Variants in ZNF536 observed in about 807,000 individuals in gnomAD.
ZNF536 encodes zinc finger protein 536.
In ZNF536, 13 loss-of-function variants were observed where a neutral mutation model predicts 84.5. The ratio of observed to expected loss-of-function variants is 0.15; its 90% CI spans 0.10 to 0.24. ZNF536 has a LOEUF of 0.24. ZNF536 is among the 10% of genes least tolerant of loss of function. The pLI, the probability that ZNF536 is intolerant of heterozygous loss-of-function variation, is 1.00. For missense variants in ZNF536, 1,536 were observed against 1,747.5 expected, an observed-to-expected ratio of 0.88 and a Z score of 2.16; for synonymous variants, 811 against 742.5, an observed-to-expected ratio of 1.09 and a Z score of -1.50.
chr19:30,293,714 A>G (rs1253782667), intron 2 of ZNF536, among the ~76,000 whole-genome samples: 1 of 152,210 alleles, frequency 6.6e-6, no homozygotes. Flanking sequence ...TTGCAGGATG[A>G]TAATGTGATC....
At chr19:30,446,474 T>G (rs1381134985) in intron 2 of ZNF536, among the ~76,000 whole-genome samples, 1 of 152,004 alleles carries the variant, frequency 6.6e-6, no homozygotes, top group Non-Finnish European at 1.5e-5. Flanking sequence ...AGTTCCAAAC[T>G]TCACCATCTT....
chr19:30,238,394 A>C (rs962109469), intron 1 of ZNF536, among the ~76,000 whole-genome samples: 7 of 151,034 alleles, frequency 4.6e-5, no homozygotes, highest in African/African-American at 1.7e-4. Context: ...AAATATTCTC[A>C]CTCCAATCCA....
intron 1 of ZNF536, among the ~76,000 whole-genome samples, chr19:30,706,651 T>C (rs1373718267): frequency 2.6e-5 from 4 of 152,212 alleles, no homozygotes; most frequent in Non-Finnish European, 5.9e-5. Context: ...ATTTGGATCA[T>C]GGTACCAAGG....
chr19:30,632,828 A>G (rs925568079), intron 1 of ZNF536, among the ~76,000 whole-genome samples: 4 of 152,226 alleles, frequency 2.6e-5, no homozygotes, highest in African/African-American at 9.6e-5. Flanking sequence ...GAGAAATTAG[A>G]AAGAAGTCAA....
intron 1 of ZNF536, among the ~76,000 whole-genome samples, chr19:30,655,523 T>A (rs1471992909): frequency 1.3e-5 from 2 of 152,110 alleles, no homozygotes; most frequent in African/African-American, 4.8e-5. Flanking sequence ...TCAAAGGAGT[T>A]TGCCGTCAAC....
At chr19:30,463,436 G>A (rs1458049815) in intron 2 of ZNF536, among the ~76,000 whole-genome samples, 3 of 152,162 alleles carry the variant, frequency 2.0e-5, no homozygotes, top group African/African-American at 7.2e-5. Context: ...GCACCTCCTG[G>A]AAGAAGCTGG....
At chr19:30,631,372 G>A (rs1183198697) in intron 1 of ZNF536, among the ~76,000 whole-genome samples, 3 of 152,180 alleles carry the variant, frequency 2.0e-5, no homozygotes, top group Admixed American at 6.5e-5. Flanking sequence ...TGGCTGAGCC[G>A]AGATCCTGCA....
chr19:30,631,286 G>A (rs2048879361), intron 1 of ZNF536, among the ~76,000 whole-genome samples: 1 of 152,224 alleles, frequency 6.6e-6, no homozygotes. Flanking sequence ...TTGTTACGCA[G>A]CCAGGCTGCC....
chr19:30,560,774 A>C (rs774911697), downstream of ZNF536, among the ~76,000 whole-genome samples: 6 of 152,254 alleles, frequency 3.9e-5, no homozygotes, highest in Non-Finnish European at 7.3e-5. Context: ...AAGAATCTAA[A>C]TGTTGGGAGA....
At chr19:30,701,109 T>G (rs941762645) in intron 1 of ZNF536, among the ~76,000 whole-genome samples, 1 of 152,118 alleles carries the variant, frequency 6.6e-6, no homozygotes, top group Non-Finnish European at 1.5e-5. Flanking sequence ...AAAATGATGT[T>G]CCTCGTGCTC....
At chr19:30,615,756 T>A (rs1418617500) in intron 1 of ZNF536, among the ~76,000 whole-genome samples, 2 of 152,184 alleles carry the variant, frequency 1.3e-5, no homozygotes, top group African/African-American at 4.8e-5. Flanking sequence ...GAGTCTTACG[T>A]CTAAGAGCAA....
At chr19:30,477,790 G>T (rs961688493) in intron 2 of ZNF536, among the ~76,000 whole-genome samples, 2 of 152,102 alleles carry the variant, frequency 1.3e-5, no homozygotes, top group African/African-American at 4.8e-5. Flanking sequence ...GAGATTTCTT[G>T]GTAGTTATCA....
intron 1 of ZNF536, among the ~76,000 whole-genome samples, chr19:30,586,356 G>A (rs6510171): frequency 5.9e-5 from 9 of 152,154 alleles, no homozygotes; most frequent in Non-Finnish European, 1.2e-4. Context: ...GAGAATGTGC[G>A]GCCACCATGT....
chr19:30,246,783 C>CT (rs1387179651), intron 1 of ZNF536, among the ~76,000 whole-genome samples: 1 of 152,136 alleles, frequency 6.6e-6, no homozygotes, highest in East Asian at 1.9e-4. Context: ...CCAAGGCTAG[C>CT]TTTTTTCTTT....
At chr19:30,493,089 C>CTT (rs201787656) in intron 2 of ZNF536, among the ~76,000 whole-genome samples, 3,632 of 71,550 alleles carry the variant, frequency 0.051, 811 homozygotes, top group East Asian at 0.11. Flanking sequence ...ATATTACTCA[C>CTT]TTTTTTTTTT....
intron 1 of ZNF536, among the ~76,000 whole-genome samples, chr19:30,277,942 A>G (rs1358627980): frequency 6.6e-6 from 1 of 152,208 alleles, no homozygotes; most frequent in African/African-American, 2.4e-5. Context: ...CCCTGACAGC[A>G]AGAACCTTGT....
chr19:30,306,509 G>C (rs898985890), intron 2 of ZNF536, among the ~76,000 whole-genome samples: 4 of 152,200 alleles, frequency 2.6e-5, no homozygotes, highest in African/African-American at 9.7e-5. Flanking sequence ...AATGAAAGCT[G>C]TCAAGTTTGA....
At chr19:30,575,872 T>C (rs2046713800) in intron 1 of ZNF536, among the ~76,000 whole-genome samples, 2 of 151,922 alleles carry the variant, frequency 1.3e-5, no homozygotes, top group South Asian at 4.1e-4. Flanking sequence ...TCAGAGAACT[T>C]TGGAGAGAGA....
chr19:30,357,627 G>T (rs927741465), intron 3 of ZNF536, among the ~76,000 whole-genome samples: 6 of 152,136 alleles, frequency 3.9e-5, no homozygotes, highest in Non-Finnish European at 8.8e-5. Context: ...GGGATTTCAG[G>T]CTCTTCGGTG....
Sources: gnomAD v4.1 joint callset for allele counts (sites outside exome capture counted in the v4.1 genomes callset) on GRCh38, gnomAD v4.1.1 for gene constraint, MANE v1.5 for transcripts, NCBI Gene and HGNC (gene_info 2026-07-23, HGNC 2026-07-21) for gene names.